FSCN2: variants seen among roughly 807,000 people sequenced by gnomAD.
FSCN2 encodes fascin-2.
FSCN2 carries 46 observed loss-of-function variants against 37.8 expected under a neutral mutation model. That is an observed-to-expected ratio of 1.22 (90% confidence interval 0.96 to 1.56). The LOEUF is 1.56. FSCN2 is among the 40% of genes most tolerant of loss of function. FSCN2 has a pLI of 0.00. For missense variants in FSCN2, 844 were observed against 730.4 expected (o/e 1.16, Z -1.79); for synonymous variants, 351 against 309.4 (o/e 1.13, Z -1.41).
At chr17:81,531,726 G>GTGACGGTGA (rs1555671371) in intron 1 of FSCN2, among the ~76,000 whole-genome samples, 10 of 109,328 alleles carry the variant, frequency 9.1e-5, no homozygotes, top group East Asian at 3.7e-4. Flanking sequence ...GGTGGTGATG[G>GTGACGGTGA]TGATGGTGAT....
the FSCN2 span, among the ~76,000 whole-genome samples, chr17:81,523,359 A>T: frequency 6.6e-6 from 1 of 152,122 alleles, no homozygotes; most frequent in Non-Finnish European, 1.5e-5. Context: ...CAGTAAACCA[A>T]CCCAGGCCAG....
In FSCN2 at chr17:81,528,760, G is replaced by A. The variant is rs782658647; in HGVS notation, c.229G>A (p.Val77Met). 1.8e-5 allele frequency: 28 copies of A among 1,581,880 alleles called. No individual in the cohort carries two copies. Among genetic ancestry groups the A allele is most frequent in the Non-Finnish European group, 2.1e-5 (25 of 1,165,804 alleles). Residue 77 changes from valine to methionine, a missense_variant, in exon 1 of 5, where the codon GTG (valine) becomes ATG (methionine). Transcript: ENST00000417245. ...CCTGTCGGCAGAAGAGGACGGGCGCGTGGCCTGTGAGGCAGAGCAGCCGGG... is the reference window on the plus strand; with the variant it reads ...CCTGTCGGCAGAAGAGGACGGGCGCATGGCCTGTGAGGCAGAGCAGCCGGG... ...RYLSAEEDGRVACEAEQPGRD... is the reference protein window; with the variant it reads ...RYLSAEEDGRMACEAEQPGRD...
At chr17:81,536,492 G>T in intron 3 of FSCN2, 130 bp from the exon 4 acceptor site, 1 of 1,533,558 alleles carries the variant, frequency 6.5e-7, no homozygotes, top group Non-Finnish European at 8.7e-7. Flanking sequence ...CCTTGCCAAG[G>T]CCGCACATGA....
the FSCN2 span, among the ~76,000 whole-genome samples, chr17:81,517,339 G>A: frequency 1.3e-5 from 2 of 152,160 alleles, no homozygotes; most frequent in African/African-American, 4.8e-5. Context: ...TGACCTCTCT[G>A]TACCCCAGTT....
At chr17:81,531,962 GATAGTGATGATA>G (rs1391850030) in intron 1 of FSCN2, among the ~76,000 whole-genome samples, 5 of 141,182 alleles carry the variant, frequency 3.5e-5, no homozygotes, top group African/African-American at 1.1e-4. Context: ...TGGTGATGGT[GATAGTGATGATA>G]ATGGTGATGA....
chr17:81,537,057 G>C lies in FSCN2; in HGVS notation c.1456G>C (p.Gly486Arg), dbSNP rs1030790374. 7.5e-6 allele frequency: 11 copies of C among 1,464,440 alleles called. No homozygotes were observed. The highest frequency in any genetic ancestry group is 9.9e-6 in the Non-Finnish European group (11 of 1,115,150). The allele number at this position is 1,464,440 out of a possible 1,614,324, so 90.7% of individuals were successfully genotyped here. A position where few individuals can be genotyped will look rare whatever the true frequency, so the allele number is the denominator to read the frequency against. Residue 486 changes from glycine (G) to arginine (R), a missense_variant, in exon 5 of 5, where the codon GGG becomes CGG. Coordinates refer to ENST00000417245, the MANE Select transcript of FSCN2 (RefSeq NM_012418.4). ...LLRADADAPAGTALWEY is the reference protein window; with the variant it reads ...LLRADADAPARTALWEY Reference sequence around the variant, plus strand: ...GCGGGCCGATGCCGACGCCCCGGCCGGGACCGCGCTTTGGGAGTACTGAGG... The same window carrying C: ...GCGGGCCGATGCCGACGCCCCGGCCCGGACCGCGCTTTGGGAGTACTGAGG...
the FSCN2 span, among the ~76,000 whole-genome samples, chr17:81,518,328 C>T: frequency 4.6e-5 from 6 of 131,726 alleles, no homozygotes; most frequent in Non-Finnish European, 8.8e-5. Context: ...GCATCCTTGT[C>T]CTCCACAGTG....
Position 81,529,222 on chromosome 17 carries a change from C to G in FSCN2, c.691C>G (p.Pro231Ala). Residue 231 changes from proline (P) to alanine (A), a missense_variant, in exon 1 of 5, where the codon CCC becomes GCC. Coordinates refer to ENST00000417245, the MANE Select transcript of FSCN2 (RefSeq NM_012418.4). ...FKDCDGHYLAPVGPAGTLKAG... is the reference protein window; with the variant it reads ...FKDCDGHYLAAVGPAGTLKAG... ...GGACTGCGACGGCCACTACCTGGCA[C>G]CCGTGGGGCCCGCAGGCACCCTCAA... 1 of 1,599,128 alleles carries G rather than the reference C, an allele frequency of 6.3e-7. No homozygotes were observed. Among genetic ancestry groups the G allele is most frequent in the Non-Finnish European group, 8.5e-7 (1 of 1,172,944 alleles).
chr17:81,524,204 C>A (rs191830846), upstream of FSCN2, among the ~76,000 whole-genome samples: 1 of 152,214 alleles, frequency 6.6e-6, no homozygotes, highest in Non-Finnish European at 1.5e-5. Context: ...CAGCTGGCCC[C>A]GCACTGAGAG....
chr17:81,535,907 C>T (rs1179135321), intron 2 of FSCN2, among the ~76,000 whole-genome samples: 4 of 150,276 alleles, frequency 2.7e-5, no homozygotes, highest in Admixed American at 6.6e-5. Context: ...TCCCCACCAC[C>T]GTTCCCATCA....
chr17:81,528,175 A>G (rs1046135584), upstream of FSCN2, among the ~76,000 whole-genome samples: 5 of 152,134 alleles, frequency 3.3e-5, no homozygotes, highest in Admixed American at 1.3e-4. Flanking sequence ...TATGAGGAAA[A>G]GGGGATCAAC....
chr17:81,536,183 C>T lies in FSCN2; in HGVS notation c.1021C>T (p.Arg341Trp), dbSNP rs774101992. ...CATGTTTGAGATGGAGTGGCGTGGCCGGCGGGTAGCACTCAAAGCCAGCAA... is the reference window on the plus strand; with the variant it reads ...CATGTTTGAGATGGAGTGGCGTGGCTGGCGGGTAGCACTCAAAGCCAGCAA... ...NTMFEMEWRG[R>W]RVALKASNGR... Residue 341 changes from arginine to tryptophan, a missense_variant, in exon 3 of 5, where the codon CGG becomes TGG. Coordinates refer to ENST00000417245, the MANE Select transcript of FSCN2 (RefSeq NM_012418.4). 48 of 1,601,236 alleles carry T rather than the reference C, an allele frequency of 3.0e-5. No homozygotes were observed. The highest frequency in any genetic ancestry group is 1.6e-4 in the Middle Eastern group (1 of 6,066).
intron 1 of FSCN2, among the ~76,000 whole-genome samples, chr17:81,534,648 C>T (rs1482565519): frequency 2.0e-5 from 3 of 151,966 alleles, no homozygotes; most frequent in Non-Finnish European, 4.4e-5. Context: ...CCATCCGCAC[C>T]ATCCCCTTCA....
the FSCN2 span, among the ~76,000 whole-genome samples, chr17:81,521,302 A>G: frequency 6.6e-6 from 1 of 151,308 alleles, no homozygotes; most frequent in African/African-American, 2.4e-5. Context: ...TCCCGACCTC[A>G]GGTGATCCAC....
At chr17:81,516,412 G>A in the FSCN2 span, among the ~76,000 whole-genome samples, 446 of 152,300 alleles carry the variant, frequency 2.9e-3, 1 homozygote, top group Non-Finnish European at 4.5e-3. Context: ...TTGAATCCAA[G>A]GCAAGCAAAG....
the FSCN2 span, chr17:81,519,218 C>T: frequency 6.6e-6 from 1 of 152,406 alleles, no homozygotes; most frequent in South Asian, 2.1e-4. Flanking sequence ...AGCTCCCAGC[C>T]CGCCGGCCCG....
chr17:81,528,909 C>G lies in FSCN2; in HGVS notation c.378C>G (p.Ser126=). The G allele has an allele frequency of 6.3e-7, 1 of 1,588,210 alleles. No individual in the cohort carries two copies. Residue 126 remains serine (S), a synonymous_variant, in exon 1 of 5, where the codon TCC becomes TCG. Transcript: ENST00000417245. Reference sequence around the variant, plus strand: ...TGTCCTGCTTCGCCACAGCCGTTTCCCCGGCCGAGCTGTGGACCGTGCACC... The same window carrying G: ...TGTCCTGCTTCGCCACAGCCGTTTCGCCGGCCGAGCTGTGGACCGTGCACC... ...DQLSCFATAV[S]PAELWTVHLA...
chr17:81,533,583 G>A (rs1001626152), intron 1 of FSCN2, among the ~76,000 whole-genome samples: 1 of 152,224 alleles, frequency 6.6e-6, no homozygotes, highest in African/African-American at 2.4e-5. Context: ...CACTGGCTCT[G>A]CTTGTGTCTT....
chr17:81,534,729 C>T (rs910707875), intron 1 of FSCN2, among the ~76,000 whole-genome samples: 1 of 151,788 alleles, frequency 6.6e-6, no homozygotes, highest in Non-Finnish European at 1.5e-5. Context: ...AGCCCTGGGT[C>T]AAGAGAGCAG....
Sources: allele counts gnomAD v4.1 joint callset (sites outside exome capture counted in the v4.1 genomes callset), GRCh38; gene constraint gnomAD v4.1.1; transcripts MANE v1.5; gene names NCBI Gene and HGNC (gene_info 2026-07-23, HGNC 2026-07-21).